The following ST8SIA5 variants were observed in gnomAD, a reference collection of about 807,000 sequenced individuals.
The protein encoded by ST8SIA5 is alpha-2,8-sialyltransferase 8E.
ST8SIA5 carries 24 observed loss-of-function variants against 40.2 expected under a neutral mutation model. The ratio of observed to expected loss-of-function variants is 0.60; its 90% CI spans 0.43 to 0.84. The LOEUF (loss-of-function observed/expected upper bound fraction) is 0.84. Ranked by LOEUF, ST8SIA5 falls within the 40% of genes least tolerant of loss-of-function variation. The probability of loss-of-function intolerance (pLI) is 0.00; values close to 1 mark genes in which losing one functional copy is unlikely to be tolerated. For missense variants in ST8SIA5, 465 were observed against 498.5 expected, an observed-to-expected ratio of 0.93 and a Z score of 0.64; for synonymous variants, 198 against 201.8, an observed-to-expected ratio of 0.98 and a Z score of 0.16.
At chr18:46,684,025 C>T (rs1037222811) in intron 5 of ST8SIA5, among the ~76,000 whole-genome samples, 2 of 151,930 alleles carry the variant, frequency 1.3e-5, no homozygotes, top group Non-Finnish European at 2.9e-5. Flanking sequence ...AGTCTCAGGG[C>T]ATCTTGGCGT....
At position 46,673,705 on chromosome 18, in the gene ST8SIA5, GTCTACCCTTT is replaced by G. The variant is rs1221218100; in HGVS notation, c.*6327_*6336del. 2 of 152,010 alleles carry G rather than the reference GTCTACCCTTT, an allele frequency of 1.3e-5. No homozygotes were observed. The highest frequency in any genetic ancestry group is 2.9e-5 in the Non-Finnish European group (2 of 68,008). The allele number at this position is 152,010 out of a possible 1,614,324, so 9.4% of individuals were successfully genotyped here. A position where few individuals can be genotyped will look rare whatever the true frequency, so the allele number is the denominator to read the frequency against. ...TAGATCTATACTGTAGGTCTATCCA[GTCTACCCTTT>G]GAAGATCACACTGTAGATCTATCCA... On this transcript the variant is annotated 3_prime_UTR_variant, in exon 7 of 7. Transcript: ENST00000315087.
At chr18:46,736,739 A>T (rs1022581449) in intron 1 of ST8SIA5, among the ~76,000 whole-genome samples, 1 of 152,114 alleles carries the variant, frequency 6.6e-6, no homozygotes, top group Non-Finnish European at 1.5e-5. Context: ...CGGCAAATGC[A>T]GCACAAAATC....
At chr18:46,681,434 C>T (rs982276904) in intron 6 of ST8SIA5, among the ~76,000 whole-genome samples, 1 of 152,204 alleles carries the variant, frequency 6.6e-6, no homozygotes, top group Non-Finnish European at 1.5e-5. Context: ...GTCCTCTGAC[C>T]TGGTTGGTGT....
At chr18:46,754,840 A>G (rs2040226588) in intron 1 of ST8SIA5, among the ~76,000 whole-genome samples, 2 of 152,238 alleles carry the variant, frequency 1.3e-5, no homozygotes, top group Non-Finnish European at 2.9e-5. Context: ...AGGAACCCAG[A>G]GCTGCCCTGC....
chr18:46,740,671 G>C (rs1194208936), intron 1 of ST8SIA5, among the ~76,000 whole-genome samples: 2 of 152,298 alleles, frequency 1.3e-5, no homozygotes, highest in African/African-American at 4.8e-5. Flanking sequence ...AATTATGATA[G>C]AAATTAGAAA....
chr18:46,695,173 A>AC (rs969903939), intron 2 of ST8SIA5, among the ~76,000 whole-genome samples: 14 of 151,614 alleles, frequency 9.2e-5, no homozygotes, highest in Admixed American at 1.3e-4. Flanking sequence ...GAAAAAAAAA[A>AC]AAAACCCTTT....
At chr18:46,697,612 G>A (rs544153736) in intron 2 of ST8SIA5, among the ~76,000 whole-genome samples, 4 of 152,152 alleles carry the variant, frequency 2.6e-5, no homozygotes, top group Non-Finnish European at 5.9e-5. Context: ...AGGCTGAGGC[G>A]GCAGGATTGC....
intron 1 of ST8SIA5, among the ~76,000 whole-genome samples, chr18:46,707,897 T>G (rs1015525782): frequency 6.6e-6 from 1 of 152,228 alleles, no homozygotes; most frequent in African/African-American, 2.4e-5. Context: ...GATCTTGGAC[T>G]TCTCAGCCTC....
chr18:46,693,020 A>G (rs1018164522), intron 2 of ST8SIA5, among the ~76,000 whole-genome samples: 2 of 151,550 alleles, frequency 1.3e-5, no homozygotes, highest in Non-Finnish European at 2.9e-5. Context: ...GAAAACCTCA[A>G]TAGTCTCACC....
intron 1 of ST8SIA5, among the ~76,000 whole-genome samples, chr18:46,745,708 C>T (rs913633414): frequency 1.8e-4 from 28 of 152,354 alleles, no homozygotes; most frequent in Admixed American, 7.8e-4. Flanking sequence ...TCCTCCTTAA[C>T]TCATTTTATG....
chr18:46,729,043 C>T (rs561550496), intron 1 of ST8SIA5, among the ~76,000 whole-genome samples: 16 of 152,292 alleles, frequency 1.1e-4, no homozygotes, highest in African/African-American at 3.4e-4. Context: ...CACTATTGTG[C>T]TCCCACAATC....
intron 5 of ST8SIA5, among the ~76,000 whole-genome samples, chr18:46,683,995 A>C (rs1231639364): frequency 6.6e-6 from 1 of 151,960 alleles, no homozygotes; most frequent in Non-Finnish European, 1.5e-5. Flanking sequence ...AGCATCTAGG[A>C]CATGCCTAGA....
At chr18:46,727,924 G>T (rs1427913555) in intron 1 of ST8SIA5, among the ~76,000 whole-genome samples, 1 of 152,196 alleles carries the variant, frequency 6.6e-6, no homozygotes, top group Non-Finnish European at 1.5e-5. Flanking sequence ...AACCATGCAT[G>T]GGTGTGGTGG....
chr18:46,751,223 T>C (rs961704176), intron 1 of ST8SIA5, among the ~76,000 whole-genome samples: 2 of 152,170 alleles, frequency 1.3e-5, no homozygotes, highest in Admixed American at 6.5e-5. Flanking sequence ...ATTGGAATCA[T>C]AGAGTATTTG....
intron 2 of ST8SIA5, among the ~76,000 whole-genome samples, chr18:46,700,624 G>C (rs1057364154): frequency 1.3e-5 from 2 of 152,194 alleles, no homozygotes; most frequent in African/African-American, 4.8e-5. Flanking sequence ...TTCCCTCTCA[G>C]ACTCCCAGGG....
rs531615122 is a variant in ST8SIA5, at chr18:46,756,619, A to G, written c.-111T>C. 3 of 1,327,602 alleles carry G rather than the reference A, an allele frequency of 2.3e-6. No homozygotes were observed. The highest frequency in any genetic ancestry group is 1.5e-5 in the South Asian group (1 of 65,690). The allele number at this position is 1,327,602 out of a possible 1,614,324, so 82.2% of individuals were successfully genotyped here. A position where few individuals can be genotyped will look rare whatever the true frequency, so the allele number is the denominator to read the frequency against. ...CGACTTGGCGCCTCACGGTGCGGTC[A>G]GGCAGGCGGGGGACTTCGAGGGGCA... On this transcript the variant is annotated 5_prime_UTR_variant, in exon 1 of 7. An upstream open reading frame in the 5' UTR loses its in-frame stop. Transcript: ENST00000315087.
chr18:46,709,188 G>T (rs1048054091), intron 1 of ST8SIA5, among the ~76,000 whole-genome samples: 11 of 152,198 alleles, frequency 7.2e-5, no homozygotes, highest in African/African-American at 2.2e-4. Context: ...GTATTAAGAG[G>T]CAGGGCCTTT....
At chr18:46,680,622 G>T in intron 6 of ST8SIA5, 112 bp from the exon 7 acceptor site, 1 of 1,106,726 alleles carries the variant, frequency 9.0e-7, no homozygotes, top group Non-Finnish European at 1.3e-6. Flanking sequence ...GACTCATAAG[G>T]CCACCTGCCT....
intron 1 of ST8SIA5, among the ~76,000 whole-genome samples, chr18:46,751,508 T>C (rs1775950411): frequency 6.6e-6 from 1 of 152,092 alleles, no homozygotes; most frequent in Admixed American, 6.5e-5. Flanking sequence ...GCAATTCTTG[T>C]GCCTCAGCCT....
Sources: allele counts gnomAD v4.1 joint callset (sites outside exome capture counted in the v4.1 genomes callset), GRCh38; gene constraint gnomAD v4.1.1; transcripts MANE v1.5; gene names NCBI Gene and HGNC (gene_info 2026-07-23, HGNC 2026-07-21).